The following ZNF713 variants were observed in gnomAD, a reference collection of about 807,000 sequenced individuals.
ZNF713 encodes the protein zinc finger protein 713.
ZNF713 carries 21 observed loss-of-function variants against 28.7 expected under a neutral mutation model. The observed-to-expected ratio is 0.73, with a 90% CI of 0.52 to 1.05. The LOEUF is 1.05. Among genes scored for constraint, ZNF713 ranks in the 50% least tolerant of loss-of-function variants. ZNF713 has a pLI of 0.00. For synonymous variants in ZNF713, 167 were observed against 178.0 expected (o/e 0.94, Z 0.49); for missense variants, 458 against 532.4 (o/e 0.86, Z 1.37).
intron 6 of ZNF713, among the ~76,000 whole-genome samples, chr7:55,929,639 C>T (rs1786171896): frequency 6.6e-6 from 1 of 151,822 alleles, no homozygotes; most frequent in South Asian, 2.1e-4. Flanking sequence ...CCTGTAGTCC[C>T]AGCTACTCAG....
At chr7:55,899,439 G>C (rs947763942) in intron 1 of ZNF713, among the ~76,000 whole-genome samples, 22 of 145,964 alleles carry the variant, frequency 1.5e-4, no homozygotes, top group East Asian at 6.3e-4. Context: ...CCGAGGGGGG[G>C]GGGGGGGTTG....
At chr7:55,890,175 C>T (rs551058416) in intron 1 of ZNF713, among the ~76,000 whole-genome samples, 6 of 152,208 alleles carry the variant, frequency 3.9e-5, no homozygotes, top group South Asian at 2.1e-4. Flanking sequence ...ACAGGCCCGG[C>T]GCAGTGGCTC....
Position 55,939,921 on chromosome 7 carries a change from A to C in ZNF713, c.1247A>C (p.His416Pro). The C allele has an allele frequency of 6.2e-7, 1 of 1,613,812 alleles. No homozygotes were observed. Among genetic ancestry groups the C allele is most frequent in the Non-Finnish European group, 8.5e-7 (1 of 1,179,854 alleles). ...AFSQSAHLNQ[H>P]RKIHTREKLC... ...AGCCAGAGTGCACACCTTAATCAACACAGGAAAATCCATACTCGGGAGAAA... is the reference window on the plus strand; with the variant it reads ...AGCCAGAGTGCACACCTTAATCAACCCAGGAAAATCCATACTCGGGAGAAA... The change falls in exon 7 of 7, where the codon CAC (histidine) becomes CCC (proline). Residue 416 changes from histidine (H) to proline (P), a missense_variant. Coordinates refer to ENST00000429591, the MANE Select transcript of ZNF713 (RefSeq NM_182633.3).
At chr7:55,937,489 C>G (rs1786377779) in intron 6 of ZNF713, among the ~76,000 whole-genome samples, 1 of 151,960 alleles carries the variant, frequency 6.6e-6, no homozygotes, top group Admixed American at 6.6e-5. Flanking sequence ...TTTCTGTAAC[C>G]CATCCAGGGG....
chr7:55,939,891 C>G lies in ZNF713; in HGVS notation c.1217C>G (p.Ala406Gly). The G allele has an allele frequency of 4.3e-6, 7 of 1,614,030 alleles. No individual in the cohort carries two copies. The East Asian group carries it at 1.6e-4, about 36-fold the overall frequency. ...TATAAATGTAATGAATGCGGGAAAGCCTTTAGCCAGAGTGCACACCTTAAT... is the reference window on the plus strand; with the variant it reads ...TATAAATGTAATGAATGCGGGAAAGGCTTTAGCCAGAGTGCACACCTTAAT... ...KPYKCNECGK[A>G]FSQSAHLNQH... is the part of the protein sequence containing the mutation. Residue 406 changes from alanine to glycine, a missense_variant, in exon 7 of 7, where the codon GCC becomes GGC. Ala to Gly is a moderately conservative substitution (Grantham distance 60, BLOSUM62 0). Transcript: ENST00000429591.
chr7:55,940,157 C>G lies in ZNF713; in HGVS notation c.*151C>G, dbSNP rs1786436842. The G allele has an allele frequency of 4.6e-6, 6 of 1,290,896 alleles. No homozygotes were observed. The highest frequency in any genetic ancestry group is 6.1e-6 in the Non-Finnish European group (6 of 980,446). 80.0% of individuals were successfully genotyped at this position (1,290,896 alleles called of 1,614,324 possible). ...TTTGTTTTTGAGACTGAGTCTCACTCTGTCACCCAGGCTGAAGTGCAGTGG... is the reference window on the plus strand; with the variant it reads ...TTTGTTTTTGAGACTGAGTCTCACTGTGTCACCCAGGCTGAAGTGCAGTGG... On this transcript the variant is annotated 3_prime_UTR_variant, in exon 7 of 7. Transcript: ENST00000429591.
At position 55,940,089 on chromosome 7, in the gene ZNF713, A is replaced by G; in HGVS notation, c.*83A>G. 1 of 1,483,750 alleles carries G rather than the reference A, an allele frequency of 6.7e-7. No individual in the cohort carries two copies. Among genetic ancestry groups the G allele is most frequent in the Admixed American group, 2.4e-5 (1 of 42,106 alleles). The allele number at this position is 1,483,750 out of a possible 1,614,324, so 91.9% of individuals were successfully genotyped here. On this transcript the variant is annotated 3_prime_UTR_variant, in exon 7 of 7. Coordinates refer to ENST00000429591, the MANE Select transcript of ZNF713 (RefSeq NM_182633.3). ...TTTTTATCCCATTCAATATCAAATT[A>G]TTCATAGTGGAGAGAAAGCTTATAC...
At position 55,939,598 on chromosome 7, in the gene ZNF713, C is replaced by T; in HGVS notation, c.924C>T (p.His308=). The change falls in exon 7 of 7, where the codon CAC becomes CAT. Residue 308 remains histidine, a synonymous_variant. Coordinates refer to ENST00000429591, the MANE Select transcript of ZNF713 (RefSeq NM_182633.3). ...RIHLIQHQRI[H]TGEKPFICNG... ...ATCTCATTCAACATCAGAGAATTCA[C>T]ACAGGAGAAAAGCCTTTTATATGCA... 6.2e-7 allele frequency: 1 copy of T among 1,614,140 alleles called. No individual in the cohort carries two copies. The highest frequency in any genetic ancestry group is 8.5e-7 in the Non-Finnish European group (1 of 1,180,028).
intron 6 of ZNF713, among the ~76,000 whole-genome samples, chr7:55,932,908 AAAG>A (rs1157102697): frequency 6.8e-6 from 1 of 146,576 alleles, no homozygotes; most frequent in Non-Finnish European, 1.5e-5. Context: ...AAAAAAAAAA[AAAG>A]AAGCTACAAC....
At chr7:55,892,216 T>G (rs1008940055) in intron 1 of ZNF713, among the ~76,000 whole-genome samples, 82 of 142,226 alleles carry the variant, frequency 5.8e-4, no homozygotes, top group Admixed American at 1.2e-3. Context: ...AGGCGGAGTT[T>G]GCAGTGAGCC....
chr7:55,937,158 G>T (rs779305538), intron 6 of ZNF713, among the ~76,000 whole-genome samples: 1 of 152,038 alleles, frequency 6.6e-6, no homozygotes, highest in Non-Finnish European at 1.5e-5. Context: ...AGATTAACCA[G>T]GTGTAGTGGT....
At chr7:55,897,705 G>A (rs71543767) in intron 1 of ZNF713, among the ~76,000 whole-genome samples, 4,974 of 152,070 alleles carry the variant, frequency 0.033, 137 homozygotes, top group South Asian at 0.062. Flanking sequence ...AAGTGATAAT[G>A]GTAAATATTA....
intron 6 of ZNF713, among the ~76,000 whole-genome samples, chr7:55,930,943 C>G (rs1249100806): frequency 6.6e-6 from 1 of 152,144 alleles, no homozygotes; most frequent in Non-Finnish European, 1.5e-5. Context: ...CCACCACTTT[C>G]ATTAAAAAAT....
intron 6 of ZNF713, among the ~76,000 whole-genome samples, chr7:55,931,297 T>G (rs1786204622): frequency 6.6e-6 from 1 of 151,262 alleles, no homozygotes; most frequent in Non-Finnish European, 1.5e-5. Flanking sequence ...AAAAAAAAAA[T>G]TGAAACAGAA....
In ZNF713 at chr7:55,890,217, A is replaced by G. The variant is rs112820633; in HGVS notation, c.-583+2537A>G. ...GTAATCCCAGCACTTTGGAAGGCCG[A>G]GGCAGGTGGATCACCTGAGGTCAGG... On this transcript the variant is annotated intron_variant, in intron 1 of 6. Coordinates refer to ENST00000429591, the MANE Select transcript of ZNF713 (RefSeq NM_182633.3). Among the ~76,000 whole-genome samples the G allele has an allele frequency of 5.4e-3, 823 of 152,204 alleles. 10 individuals are homozygous for G. Among genetic ancestry groups the G allele is most frequent in the African/African-American group, 0.018 (761 of 41,508 alleles).
intron 1 of ZNF713, among the ~76,000 whole-genome samples, chr7:55,905,851 C>A (rs1785668541): frequency 6.6e-6 from 1 of 151,954 alleles, no homozygotes; most frequent in African/African-American, 2.4e-5. Context: ...TGCCTGTAAT[C>A]CCAGCACTTT....
intron 2 of ZNF713, among the ~76,000 whole-genome samples, chr7:55,911,270 C>T (rs1483209635): frequency 2.0e-5 from 3 of 152,136 alleles, no homozygotes; most frequent in Non-Finnish European, 4.4e-5. Flanking sequence ...TGATTATTAG[C>T]AAATAATAAT....
intron 6 of ZNF713, among the ~76,000 whole-genome samples, chr7:55,929,984 C>G (rs1005764490): frequency 6.6e-6 from 1 of 151,840 alleles, no homozygotes; most frequent in African/African-American, 2.4e-5. Context: ...CAACTTAGGT[C>G]AAAAGAGCTG....
intron 1 of ZNF713, among the ~76,000 whole-genome samples, chr7:55,892,277 CAAAAAAAAA>C (rs71561974): frequency 3.6e-4 from 22 of 60,502 alleles, no homozygotes; most frequent in African/African-American, 1.5e-3. Context: ...GACTCCATCT[CAAAAAAAAA>C]AAAAAAAAAA....
Sources: gnomAD v4.1 joint callset for allele counts (sites outside exome capture counted in the v4.1 genomes callset) on GRCh38, gnomAD v4.1.1 for gene constraint, MANE v1.5 for transcripts, NCBI Gene and HGNC (gene_info 2026-07-23, HGNC 2026-07-21) for gene names.